Variants in TMTC4 observed in about 807,000 individuals in gnomAD.
The protein encoded by TMTC4 is transmembrane O-mannosyltransferase targeting cadherins 4, also known as protein O-mannosyl-transferase TMTC4.
TMTC4 carries 65 observed loss-of-function variants against 86.0 expected under a neutral mutation model. The observed-to-expected ratio is 0.76, with a 90% CI of 0.62 to 0.93. TMTC4 has a LOEUF of 0.93. Ranked by LOEUF, TMTC4 falls within the 40% of genes least tolerant of loss-of-function variation. The pLI is 0.00. For missense variants in TMTC4, 866 were observed against 948.1 expected, an observed-to-expected ratio of 0.91 and a Z score of 1.14; for synonymous variants, 379 against 382.5, an observed-to-expected ratio of 0.99 and a Z score of 0.11.
chr13:100,664,385 C>T lies in TMTC4; in HGVS notation c.220-49G>A, dbSNP rs545903968. 3.6e-6 allele frequency: 5 copies of T among 1,375,794 alleles called. No individual in the cohort carries two copies. The Admixed American group carries it at 6.9e-5, about 19-fold the overall frequency. 85.2% of individuals were successfully genotyped at this position (1,375,794 alleles called of 1,614,324 possible). On this transcript the variant is annotated intron_variant, in intron 3 of 18. Transcript: ENST00000342624. Reference sequence around the variant, plus strand: ...TCTGGACAAGGGTCTCCCATCAGCCCTAAGCCAAGCTCCTCCATCTCTCAC... The same window carrying T: ...TCTGGACAAGGGTCTCCCATCAGCCTTAAGCCAAGCTCCTCCATCTCTCAC...
In TMTC4 at chr13:100,670,398, G is replaced by T; in HGVS notation, c.-36C>A. 6.3e-7 allele frequency: 1 copy of T among 1,599,346 alleles called. No individual in the cohort carries two copies. Among genetic ancestry groups the T allele is most frequent in the Non-Finnish European group, 8.5e-7 (1 of 1,175,004 alleles). The stretch of plus-strand genomic sequence containing the variant: ...TGCTGTCCCCTTCCAGGGGCCAGAA[G>T]GAGGCTCAGATTTACAATCCAGAGA... On this transcript the variant is annotated 5_prime_UTR_variant, in exon 2 of 19. Coordinates refer to ENST00000342624, the MANE Select transcript of TMTC4 (RefSeq NM_032813.5).
rs368388891 is a variant in TMTC4 at position 100,642,182 on chromosome 13, G to T, written c.741+29C>A. On this transcript the variant is annotated intron_variant, in intron 7 of 18. Coordinates refer to ENST00000342624, the MANE Select transcript of TMTC4 (RefSeq NM_032813.5). ...GGAGGGAAAAGGACACACAGAAAAA[G>T]CAGGCCCCAGCCATGTTGCGGCTCT... The T allele has an allele frequency of 2.5e-6, 4 of 1,610,608 alleles. No individual in the cohort carries two copies. The African/African-American group carries it at 4.0e-5, about 16-fold the overall frequency.
intron 13 of TMTC4, 65 bp from the exon 14 acceptor site, chr13:100,625,957 C>T: frequency 1.3e-6 from 2 of 1,596,638 alleles, no homozygotes; most frequent in Non-Finnish European, 1.7e-6. Context: ...ACTAAACTCT[C>T]AGGAATCGGT....
At position 100,648,935 on chromosome 13, in the gene TMTC4, C is replaced by T. The variant is rs556824069; in HGVS notation, c.641-6624G>A. The stretch of plus-strand genomic sequence containing the variant: ...AACTCTTGTGCTCAAGTGATCCTCC[C>T]GCCTTGACCTCCCCAACTGCTGGGA... On this transcript the variant is annotated intron_variant, in intron 6 of 18. Coordinates refer to ENST00000342624, the MANE Select transcript of TMTC4 (RefSeq NM_032813.5). Among the ~76,000 whole-genome samples the T allele has an allele frequency of 3.9e-5, 6 of 152,254 alleles. No homozygotes were observed. In the East Asian group the frequency reaches 5.8e-4, roughly 15 times the overall value.
intron 1 of TMTC4, among the ~76,000 whole-genome samples, chr13:100,672,596 C>G (rs1031289528): frequency 6.6e-6 from 1 of 152,116 alleles, no homozygotes; most frequent in African/African-American, 2.4e-5. Flanking sequence ...GCTCAAGGGA[C>G]CCTTCCACCT....
chr13:100,608,602 C>T (rs1376642049), intron 17 of TMTC4, among the ~76,000 whole-genome samples: 1 of 152,134 alleles, frequency 6.6e-6, no homozygotes, highest in Non-Finnish European at 1.5e-5. Flanking sequence ...TTGGAGGGGC[C>T]TCTTTAGAAC....
At chr13:100,625,344 T>A in intron 15 of TMTC4, 191 bp downstream of exon 15, 1 of 742,014 alleles carries the variant, frequency 1.3e-6, no homozygotes, top group Non-Finnish European at 2.2e-6. Context: ...ATTCACACTG[T>A]ACTGCTCTCT....
chr13:100,628,841 G>A (rs1409557940), intron 12 of TMTC4, among the ~76,000 whole-genome samples: 1 of 152,134 alleles, frequency 6.6e-6, no homozygotes, highest in East Asian at 1.9e-4. Context: ...ACAAGCTCAC[G>A]AAGACTACAA....
intron 10 of TMTC4, among the ~76,000 whole-genome samples, chr13:100,636,108 T>C (rs555405855): frequency 9.2e-5 from 14 of 152,336 alleles, no homozygotes; most frequent in South Asian, 2.1e-4. Flanking sequence ...ACAGTCTCTT[T>C]GGGGCAATGG....
chr13:100,619,761 C>T lies in TMTC4; in HGVS notation c.1837-5331G>A, dbSNP rs79121008. Among the ~76,000 whole-genome samples the T allele has an allele frequency of 4.8e-3, 735 of 152,180 alleles. 3 individuals are homozygous for T. Among genetic ancestry groups the T allele is most frequent in the Non-Finnish European group, 5.8e-3 (392 of 67,994 alleles). ...AAAAGTTCAGAAAATGAAAATAATG[C>T]GATGCTTAATTATTCTAACACTTAA... On this transcript the variant is annotated intron_variant, in intron 15 of 18. Coordinates refer to ENST00000342624, the MANE Select transcript of TMTC4 (RefSeq NM_032813.5).
intron 1 of TMTC4, chr13:100,674,077 G>A (rs1454611038): frequency 5.1e-6 from 5 of 985,030 alleles, no homozygotes; most frequent in Non-Finnish European, 6.0e-6. Context: ...CAGAAGCCCC[G>A]CAGAGTTCGC....
chr13:100,612,654 TACACACACACACACACACACACACAC>T (rs60782137), intron 16 of TMTC4, 144 bp from the exon 17 acceptor site: 3 of 449,012 alleles, frequency 6.7e-6, no homozygotes, highest in Middle Eastern at 5.4e-4. Flanking sequence ...GATCATGTAA[TACACACACACACACACACACACACAC>T]ACACACACAC....
In TMTC4 at chr13:100,631,040, C is replaced by A. The variant is rs79475793; in HGVS notation, c.1506+3765G>T. 9.3e-4 allele frequency among the ~76,000 whole-genome samples: 141 copies of A among 152,352 alleles called. 1 individual carries two copies. The South Asian group carries it at 0.015, about 17-fold the overall frequency. ...AAAACAAAACAGAACAAAAATCTCA[C>A]AACCAGGTCACTTAAAATAGTGTTT... On this transcript the variant is annotated intron_variant, in intron 12 of 18. Coordinates refer to ENST00000342624, the MANE Select transcript of TMTC4 (RefSeq NM_032813.5).
chr13:100,674,883 T>A (rs1887672560), upstream of TMTC4: 1 of 973,798 alleles, frequency 1.0e-6, no homozygotes, highest in East Asian at 1.2e-4. Flanking sequence ...CTCCCGCAGC[T>A]CCCCACGCGC....
In TMTC4 at chr13:100,663,152, G is replaced by A. The variant is rs1286494782; in HGVS notation, c.364C>T (p.His122Tyr). The change falls in exon 5 of 19, where the codon CAC becomes TAC. Residue 122 changes from histidine (H) to tyrosine (Y), a missense_variant. Transcript: ENST00000342624. ...RINYYLSGGF[H>Y]PVGFHVVNIL... is the part of the protein sequence containing the mutation. ...TTGACCACGTGAAAGCCCACGGGGTGGAAGCCTCCCGAGAGGTAGTAGTTA... is the reference window on the plus strand; with the variant it reads ...TTGACCACGTGAAAGCCCACGGGGTAGAAGCCTCCCGAGAGGTAGTAGTTA... 1 of 1,614,102 alleles carries A rather than the reference G, an allele frequency of 6.2e-7. No homozygotes were observed. The highest frequency in any genetic ancestry group is 1.3e-5 in the African/African-American group (1 of 74,940).
At chr13:100,653,278 G>A (rs1192004283) in intron 6 of TMTC4, among the ~76,000 whole-genome samples, 1 of 152,194 alleles carries the variant, frequency 6.6e-6, no homozygotes, top group Non-Finnish European at 1.5e-5. Context: ...GCTAAGAACA[G>A]TGCCTCTGCT....
intron 6 of TMTC4, among the ~76,000 whole-genome samples, chr13:100,642,986 C>T (rs958041261): frequency 7.2e-5 from 11 of 152,286 alleles, no homozygotes; most frequent in African/African-American, 2.2e-4. Context: ...CATCCCCAGA[C>T]GTGTGAACAC....
intron 1 of TMTC4, 116 bp from the exon 2 acceptor site, chr13:100,670,685 A>G: frequency 3.4e-6 from 1 of 295,690 alleles, no homozygotes; most frequent in Non-Finnish European, 6.2e-6. Flanking sequence ...GCAATGGCTC[A>G]CGCCTGTAAT....
In TMTC4 at chr13:100,656,542, C is replaced by CTTTTTTTT. The variant is rs35563246; in HGVS notation, c.553-82_553-75dup. 4.3e-4 allele frequency: 166 copies of CTTTTTTTT among 385,878 alleles called. 2 individuals are homozygous for CTTTTTTTT. Among genetic ancestry groups the CTTTTTTTT allele is most frequent in the South Asian group, 1.2e-3 (39 of 31,598 alleles). 23.9% of individuals were successfully genotyped at this position (385,878 alleles called of 1,614,324 possible). A position where few individuals can be genotyped will look rare whatever the true frequency, so the allele number is the denominator to read the frequency against. On this transcript the variant is annotated intron_variant, in intron 5 of 18. Coordinates refer to ENST00000342624, the MANE Select transcript of TMTC4 (RefSeq NM_032813.5). ...GAAATCCTAAACTTAGGAGACATAA[C>CTTTTTTTT]TTTTTTTTTTTTTTTTTTGCGACAG...
Sources: allele counts gnomAD v4.1 joint callset (sites outside exome capture counted in the v4.1 genomes callset), GRCh38; gene constraint gnomAD v4.1.1; transcripts MANE v1.5; gene names NCBI Gene and HGNC (gene_info 2026-07-23, HGNC 2026-07-21).